FHIT: variants seen among roughly 807,000 people sequenced by gnomAD.
FHIT encodes bis(5'-adenosyl)-triphosphatase.
A neutral mutation model predicts 17.9 loss-of-function variants in FHIT; 19 were observed. The ratio of observed to expected loss-of-function variants is 1.06; its 90% CI spans 0.74 to 1.56. The LOEUF (loss-of-function observed/expected upper bound fraction) is 1.56, where lower values mean the gene tolerates loss of function less well. Among genes scored for constraint, FHIT ranks in the 40% most tolerant of loss-of-function variants. The pLI, the probability that FHIT is intolerant of heterozygous loss-of-function variation, is 0.00. For missense variants in FHIT, 248 were observed against 189.2 expected, an observed-to-expected ratio of 1.31 and a Z score of -1.82; for synonymous variants, 81 against 69.7, an observed-to-expected ratio of 1.16 and a Z score of -0.81.
At chr3:60,595,480 CATATAAAT>C (rs2038233300) in intron 4 of FHIT, among the ~76,000 whole-genome samples, 1 of 148,486 alleles carries the variant, frequency 6.7e-6, no homozygotes, top group East Asian at 2.0e-4. Context: ...TATACATATA[CATATAAAT>C]ATGTATATAT....
rs1165614900 is a variant in FHIT at position 60,130,793 on chromosome 3, A to ACACATATATATGTGTGTGTGTG, written c.104-116642_104-116641insCACACACACACATATATATGTG. On this transcript the variant is annotated intron_variant, in intron 5 of 9. Transcript: ENST00000492590. ...GTGTGTGTGTGTGTGTGGTGTGTAT[A>ACACATATATATGTGTGTGTGTG]TACACACATATATATGTGTGTATGT... Among the ~76,000 whole-genome samples the ACACATATATATGTGTGTGTGTG allele has an allele frequency of 9.9e-4, 139 of 140,512 alleles. 1 individual carries two copies. Among genetic ancestry groups the ACACATATATATGTGTGTGTGTG allele is most frequent in the Middle Eastern group, 7.4e-3 (2 of 270 alleles). The allele number at this position is 140,512 out of a possible 152,430, so 92.2% of individuals were successfully genotyped here.
At chr3:60,495,199 T>A (rs9869160) in intron 5 of FHIT, among the ~76,000 whole-genome samples, 23 of 151,866 alleles carry the variant, frequency 1.5e-4, no homozygotes, top group Non-Finnish European at 2.9e-4. Flanking sequence ...GTTGTAGTTC[T>A]GATTTGCATT....
chr3:60,014,699 T>G (rs2106701427), intron 5 of FHIT, among the ~76,000 whole-genome samples: 1 of 152,352 alleles, frequency 6.6e-6, no homozygotes, highest in Admixed American at 6.5e-5. Context: ...ACAGTGAACT[T>G]TATCCATAAC....
At chr3:60,855,828 G>A (rs529872119) in intron 3 of FHIT, among the ~76,000 whole-genome samples, 1 of 151,994 alleles carries the variant, frequency 6.6e-6, no homozygotes, top group Non-Finnish European at 1.5e-5. Context: ...CAGCCCTAAG[G>A]AACTCTTAAT....
At chr3:60,929,494 G>C (rs1284969036) in intron 3 of FHIT, among the ~76,000 whole-genome samples, 2 of 152,176 alleles carry the variant, frequency 1.3e-5, no homozygotes, top group Non-Finnish European at 2.9e-5. Flanking sequence ...TCCTTAAGCT[G>C]ATAGGCAACT....
At chr3:60,479,536 T>G (rs532126563) in intron 5 of FHIT, among the ~76,000 whole-genome samples, 1 of 152,322 alleles carries the variant, frequency 6.6e-6, no homozygotes, top group South Asian at 2.1e-4. Flanking sequence ...GCAGTGATGC[T>G]GGTATAAATG....
chr3:59,892,587 A>G (rs368007535), intron 8 of FHIT, among the ~76,000 whole-genome samples: 4 of 152,330 alleles, frequency 2.6e-5, no homozygotes, highest in African/African-American at 9.6e-5. Context: ...TTAAGCCAGA[A>G]CACGAGAAAC....
In FHIT at chr3:59,875,946, GA is replaced by G. The variant is rs66497870; in HGVS notation, c.348+46399del. Among the ~76,000 whole-genome samples the G allele has an allele frequency of 5.2e-4, 58 of 112,352 alleles. 1 individual carries two copies. Among genetic ancestry groups the G allele is most frequent in the East Asian group, 3.5e-3 (12 of 3,410 alleles). 73.7% of individuals were successfully genotyped at this position (112,352 alleles called of 152,430 possible). The stretch of plus-strand genomic sequence containing the variant: ...ACAACTCGTCTGTTTGATAAAAAAA[GA>G]AAAAAAAAAGAAAAAAAAAAGATTT... On this transcript the variant is annotated intron_variant, in intron 8 of 9. Transcript: ENST00000492590.
intron 5 of FHIT, among the ~76,000 whole-genome samples, chr3:60,207,916 ATC>A (rs1703276654): frequency 6.6e-6 from 1 of 152,192 alleles, no homozygotes; most frequent in Admixed American, 6.5e-5. Context: ...TTGGAATGTA[ATC>A]TCTTACTAGA....
intron 4 of FHIT, among the ~76,000 whole-genome samples, chr3:60,547,995 G>A (rs951113445): frequency 1.3e-5 from 2 of 152,078 alleles, no homozygotes; most frequent in African/African-American, 2.4e-5. Context: ...CTAAAGTAAC[G>A]AAATCTCTTT....
intron 3 of FHIT, among the ~76,000 whole-genome samples, chr3:60,981,495 G>C (rs966474160): frequency 2.6e-5 from 4 of 151,914 alleles, no homozygotes; most frequent in Non-Finnish European, 4.4e-5. Context: ...TATTTTCGTA[G>C]AGATGGGGTT....
At chr3:60,101,973 A>C (rs888070030) in intron 5 of FHIT, among the ~76,000 whole-genome samples, 2 of 152,224 alleles carry the variant, frequency 1.3e-5, no homozygotes, top group Admixed American at 1.3e-4. Context: ...CTCAAGGATC[A>C]GTTTAATTGT....
intron 5 of FHIT, among the ~76,000 whole-genome samples, chr3:60,455,028 G>A (rs7620217): frequency 0.23 from 35,099 of 151,780 alleles, 5,366 homozygotes; most frequent in Non-Finnish European, 0.33. Context: ...CTATATTATA[G>A]TATGAGTACC....
chr3:60,195,358 A>G (rs1362176834), intron 5 of FHIT, among the ~76,000 whole-genome samples: 1 of 151,762 alleles, frequency 6.6e-6, no homozygotes, highest in African/African-American at 2.4e-5. Context: ...GTGATTTCTC[A>G]AAGATCTAAA....
intron 4 of FHIT, among the ~76,000 whole-genome samples, chr3:60,805,535 CTTTA>C (rs1311005355): frequency 1.3e-5 from 2 of 151,814 alleles, no homozygotes; most frequent in African/African-American, 4.8e-5. Flanking sequence ...CATTAATTAC[CTTTA>C]TTTTTATTTT....
At chr3:60,282,172 G>A (rs1474951487) in intron 5 of FHIT, among the ~76,000 whole-genome samples, 1 of 152,150 alleles carries the variant, frequency 6.6e-6, no homozygotes, top group Non-Finnish European at 1.5e-5. Flanking sequence ...TTACTCAACT[G>A]AGTTGAAAAC....
intron 5 of FHIT, among the ~76,000 whole-genome samples, chr3:60,511,606 C>T (rs2034953569): frequency 6.6e-6 from 1 of 152,228 alleles, no homozygotes; most frequent in East Asian, 1.9e-4. Flanking sequence ...GAGGTATCAG[C>T]ATCAATCCAT....
chr3:60,630,934 T>TAAAAAAAAA, intron 4 of FHIT, among the ~76,000 whole-genome samples: 1 of 93,392 alleles, frequency 1.1e-5, no homozygotes, highest in Non-Finnish European at 2.1e-5. Flanking sequence ...CCCAGGTCAT[T>TAAAAAAAAA]AAAAAAAAAA....
chr3:59,758,747 A>G (rs1381023438), intron 8 of FHIT, among the ~76,000 whole-genome samples: 1 of 152,222 alleles, frequency 6.6e-6, no homozygotes, highest in Non-Finnish European at 1.5e-5. Flanking sequence ...TAAGTTAAAC[A>G]TAAAAGAATC....
Sources: allele counts gnomAD v4.1 joint callset (sites outside exome capture counted in the v4.1 genomes callset), GRCh38; gene constraint gnomAD v4.1.1; transcripts MANE v1.5; gene names NCBI Gene and HGNC (gene_info 2026-07-23, HGNC 2026-07-21).